Variants in CADM2 observed in about 807,000 individuals in gnomAD.
CADM2 encodes immunoglobulin superfamily member 4D.
CADM2 carries 12 observed loss-of-function variants against 49.8 expected under a neutral mutation model. The observed-to-expected ratio is 0.24, with a 90% CI of 0.15 to 0.39. CADM2 has a LOEUF of 0.39. Among genes scored for constraint, CADM2 ranks in the 10% least tolerant of loss-of-function variants. The pLI is 1.00. For synonymous variants in CADM2, 214 were observed against 175.4 expected (o/e 1.22, Z -1.74); for missense variants, 378 against 492.3 (o/e 0.77, Z 2.20).
chr3:85,382,025 G>A (rs2033936758), intron 1 of CADM2, among the ~76,000 whole-genome samples: 1 of 151,720 alleles, frequency 6.6e-6, no homozygotes, highest in Non-Finnish European at 1.5e-5. Context: ...TAAAAAGTTA[G>A]GTGTGATCAG....
intron 1 of CADM2, among the ~76,000 whole-genome samples, chr3:85,314,845 A>G (rs72921361): frequency 0.095 from 14,401 of 152,116 alleles, 1,402 homozygotes; most frequent in African/African-American, 0.25. Context: ...TGTTGCATTC[A>G]TTTTTCTAGT....
chr3:85,121,350 A>G (rs968204775), intron 1 of CADM2, among the ~76,000 whole-genome samples: 2 of 152,238 alleles, frequency 1.3e-5, no homozygotes, highest in Admixed American at 6.5e-5. Flanking sequence ...TGTGGGAAAA[A>G]CAGGAAAGGA....
intron 1 of CADM2, among the ~76,000 whole-genome samples, chr3:85,009,238 A>T (rs1055634713): frequency 1.3e-5 from 2 of 152,352 alleles, no homozygotes. Flanking sequence ...ATTCAGAGAC[A>T]TTAAAGATAG....
chr3:85,190,576 C>A (rs72909183), intron 1 of CADM2, among the ~76,000 whole-genome samples: 10,873 of 152,060 alleles, frequency 0.072, 1,297 homozygotes, highest in African/African-American at 0.25. Context: ...TATTATTCCC[C>A]AAACTCACAC....
chr3:85,075,785 G>A (rs960761715), intron 1 of CADM2, among the ~76,000 whole-genome samples: 2 of 152,112 alleles, frequency 1.3e-5, no homozygotes, highest in African/African-American at 2.4e-5. Context: ...CATAATAAGC[G>A]ATGGTGAGCT....
chr3:85,891,854 T>C (rs1475621195), intron 5 of CADM2, among the ~76,000 whole-genome samples: 1 of 152,232 alleles, frequency 6.6e-6, no homozygotes, highest in African/African-American at 2.4e-5. Context: ...CCAGCTAACA[T>C]CTTTATTTAG....
intron 6 of CADM2, among the ~76,000 whole-genome samples, chr3:85,918,280 G>A (rs1013725435): frequency 6.6e-6 from 1 of 152,076 alleles, no homozygotes; most frequent in African/African-American, 2.4e-5. Flanking sequence ...GTATGATATT[G>A]GCTGTGGGTT....
At chr3:85,317,805 A>C (rs1282971083) in intron 1 of CADM2, among the ~76,000 whole-genome samples, 1 of 152,236 alleles carries the variant, frequency 6.6e-6, no homozygotes, top group African/African-American at 2.4e-5. Flanking sequence ...TTCATGCTAT[A>C]GCAGTAGCCA....
At chr3:85,444,510 T>C (rs2037357883) in intron 1 of CADM2, among the ~76,000 whole-genome samples, 1 of 151,892 alleles carries the variant, frequency 6.6e-6, no homozygotes, top group Non-Finnish European at 1.5e-5. Flanking sequence ...TCTCCACATT[T>C]GGAATAAAGT....
rs546258456 is a variant in CADM2, at chr3:85,796,356, C to T, written c.89-5691C>T. 3.3e-5 allele frequency among the ~76,000 whole-genome samples: 5 copies of T among 152,108 alleles called. No individual in the cohort carries two copies. The South Asian group carries it at 1.0e-3, about 32-fold the overall frequency. ...TTCTCTGATGTGGTTTTTCGCCTCA[C>T]CTCACTTCACAAGATTGATAGTTCT... On this transcript the variant is annotated intron_variant, in intron 2 of 9. Transcript: ENST00000383699.
chr3:86,043,383 CT>C (rs1736212171), intron 8 of CADM2, among the ~76,000 whole-genome samples: 1 of 152,182 alleles, frequency 6.6e-6, no homozygotes, highest in African/African-American at 2.4e-5. Flanking sequence ...TCAGAAAAGT[CT>C]CAGGATACAA....
intron 1 of CADM2, among the ~76,000 whole-genome samples, chr3:85,255,459 A>G (rs1200405007): frequency 6.6e-6 from 1 of 152,076 alleles, no homozygotes; most frequent in Non-Finnish European, 1.5e-5. Flanking sequence ...ACAAAGCCAT[A>G]CATGAAGGCC....
intron 1 of CADM2, among the ~76,000 whole-genome samples, chr3:85,122,744 C>G (rs6770935): frequency 2.6e-5 from 4 of 151,952 alleles, no homozygotes; most frequent in South Asian, 2.1e-4. Flanking sequence ...CAATCCTTGC[C>G]GGATTCCTTT....
At chr3:85,040,060 A>G (rs183171444) in intron 1 of CADM2, among the ~76,000 whole-genome samples, 2 of 152,242 alleles carry the variant, frequency 1.3e-5, no homozygotes, top group African/African-American at 4.8e-5. Flanking sequence ...AATGAGAAAT[A>G]TAAGCACACA....
chr3:86,059,020 G>T (rs1279376928), intron 8 of CADM2, among the ~76,000 whole-genome samples: 1 of 151,134 alleles, frequency 6.6e-6, no homozygotes. Context: ...CTTGAACCCA[G>T]GAGGCGGAGG....
intron 1 of CADM2, among the ~76,000 whole-genome samples, chr3:85,699,286 C>T (rs1034853304): frequency 6.6e-6 from 1 of 152,092 alleles, no homozygotes; most frequent in Non-Finnish European, 1.5e-5. Context: ...GGGCTTACCA[C>T]TCTAGGACCT....
At chr3:85,315,006 C>T (rs764171802) in intron 1 of CADM2, among the ~76,000 whole-genome samples, 20 of 152,232 alleles carry the variant, frequency 1.3e-4, no homozygotes, top group South Asian at 6.2e-4. Flanking sequence ...AATCCAATAT[C>T]AAAGTAGTTG....
intron 1 of CADM2, among the ~76,000 whole-genome samples, chr3:85,131,026 T>C (rs530189382): frequency 1.9e-4 from 29 of 152,012 alleles, no homozygotes; most frequent in African/African-American, 6.3e-4. Flanking sequence ...CTACTAAAAA[T>C]ACAAAATTAG....
chr3:85,117,656 A>G (rs1336336338), intron 1 of CADM2, among the ~76,000 whole-genome samples: 1 of 152,102 alleles, frequency 6.6e-6, no homozygotes, highest in Non-Finnish European at 1.5e-5. Context: ...TCACTAAAAA[A>G]CTGTTTACAG....
Sources: allele counts gnomAD v4.1 joint callset (sites outside exome capture counted in the v4.1 genomes callset), GRCh38; gene constraint gnomAD v4.1.1; transcripts MANE v1.5; gene names NCBI Gene and HGNC (gene_info 2026-07-23, HGNC 2026-07-21).